The following RCAN3 variants were observed in gnomAD, a reference collection of about 807,000 sequenced individuals.
RCAN3 encodes the protein calcipressin-3.
Under a neutral mutation model 21.9 loss-of-function variants are expected in RCAN3, and 19 were observed. The ratio of observed to expected loss-of-function variants is 0.87; its 90% CI spans 0.61 to 1.27. The LOEUF is 1.27. RCAN3 is among the 50% of genes most tolerant of loss of function. RCAN3 has a pLI of 0.00. For synonymous variants in RCAN3, 114 were observed against 112.3 expected (o/e 1.01, Z -0.09); for missense variants, 240 against 300.1 (o/e 0.80, Z 1.48).
At position 24,514,659 on chromosome 1, in the gene RCAN3, A is replaced by G. The variant is rs982770617; in HGVS notation, c.195+92A>G. 7 of 1,252,828 alleles carry G rather than the reference A, an allele frequency of 5.6e-6. No individual in the cohort carries two copies. In the African/African-American group the frequency reaches 1.1e-4, roughly 19 times the overall value. 77.6% of individuals were successfully genotyped at this position (1,252,828 alleles called of 1,614,324 possible). A position where few individuals can be genotyped will look rare whatever the true frequency, so the allele number is the denominator to read the frequency against. The stretch of plus-strand genomic sequence containing the variant: ...GAGCTTGACTGGTCCCTGACAAATT[A>G]AGTATAGAAAGTGTATGTCCACTTT... On this transcript the variant is annotated intron_variant, in intron 2 of 4. Coordinates refer to ENST00000374395, the MANE Select transcript of RCAN3 (RefSeq NM_013441.4).
At position 24,539,351 on chromosome 1, in the gene RCAN3, G is replaced by GAATTA. The variant is rs1650391126; in HGVS notation, c.*4075_*4076insATTAA. ...ACTTAATAATTTTATTAATGAATTTGATGTCCCATGTTTTGTAGTTTTGTT... is the reference window on the plus strand; with the variant it reads ...ACTTAATAATTTTATTAATGAATTTGAATTAATGTCCCATGTTTTGTAGTTTTGTT... On this transcript the variant is annotated 3_prime_UTR_variant, in exon 5 of 5. Coordinates refer to ENST00000374395, the MANE Select transcript of RCAN3 (RefSeq NM_013441.4). 6.6e-6 allele frequency: 1 copy of GAATTA among 152,102 alleles called. No homozygotes were observed. Among genetic ancestry groups the GAATTA allele is most frequent in the South Asian group, 2.1e-4 (1 of 4,826 alleles). 9.4% of individuals were successfully genotyped at this position (152,102 alleles called of 1,614,324 possible).
At chr1:24,530,068 T>C (rs868358990) in intron 2 of RCAN3, among the ~76,000 whole-genome samples, 8 of 151,034 alleles carry the variant, frequency 5.3e-5, no homozygotes, top group African/African-American at 1.9e-4. Flanking sequence ...GAAATGGATG[T>C]CTTGCTGGGT....
At chr1:24,534,754 C>T (rs1557581213) in intron 4 of RCAN3, among the ~76,000 whole-genome samples, 2 of 152,210 alleles carry the variant, frequency 1.3e-5, no homozygotes, top group Admixed American at 6.5e-5. Context: ...GAGCCGAGAT[C>T]GTGCCACTGC....
intron 1 of RCAN3, among the ~76,000 whole-genome samples, chr1:24,508,955 G>A (rs1356032072): frequency 6.6e-6 from 1 of 152,174 alleles, no homozygotes. Context: ...GAACCCATGA[G>A]TTTGAGACCA....
rs1359273273 is a variant in RCAN3, at chr1:24,503,612, T to C, written c.-60+462T>C. Among the ~76,000 whole-genome samples the C allele has an allele frequency of 2.0e-5, 3 of 152,234 alleles. No individual in the cohort carries two copies. In the East Asian group the frequency reaches 5.8e-4, roughly 29 times the overall value. Reference sequence around the variant, plus strand: ...ACTCCCTAACTTCTTGAAACTTGTCTGTCTGCTTCTGTCCGCCGCCTGGAC... The same window carrying C: ...ACTCCCTAACTTCTTGAAACTTGTCCGTCTGCTTCTGTCCGCCGCCTGGAC... On this transcript the variant is annotated intron_variant, in intron 1 of 4. Transcript: ENST00000374395.
chr1:24,513,653 T>C (rs1648074540), intron 1 of RCAN3, among the ~76,000 whole-genome samples: 2 of 152,132 alleles, frequency 1.3e-5, no homozygotes, highest in Admixed American at 6.5e-5. Context: ...CACGACTCCA[T>C]CTCAAAAACA....
rs1557565928 is a variant in RCAN3 at position 24,512,796 on chromosome 1, T to G, written c.-59-1518T>G. 3.3e-5 allele frequency among the ~76,000 whole-genome samples: 5 copies of G among 152,324 alleles called. No homozygotes were observed. The South Asian group carries it at 6.2e-4, about 19-fold the overall frequency. ...TCTTGAAATGTGTCATGTCCAAGGC[T>G]CTCTGCTTGGTGCATGTGATGTGCA... On this transcript the variant is annotated intron_variant, in intron 1 of 4. Coordinates refer to ENST00000374395, the MANE Select transcript of RCAN3 (RefSeq NM_013441.4).
At chr1:24,530,391 A>ACAACAG (rs910236063) in intron 2 of RCAN3, among the ~76,000 whole-genome samples, 3 of 150,430 alleles carry the variant, frequency 2.0e-5, no homozygotes, top group African/African-American at 7.4e-5. Flanking sequence ...ACAGTCACAC[A>ACAACAG]CAACAGCAAG....
intron 2 of RCAN3, among the ~76,000 whole-genome samples, chr1:24,524,267 A>G (rs751576399): frequency 1.3e-5 from 2 of 152,188 alleles, no homozygotes; most frequent in Non-Finnish European, 2.9e-5. Flanking sequence ...TGTGTTTATA[A>G]ATACAGTAGC....
intron 1 of RCAN3, among the ~76,000 whole-genome samples, chr1:24,504,728 A>G (rs1186807414): frequency 6.6e-6 from 1 of 152,248 alleles, no homozygotes; most frequent in Non-Finnish European, 1.5e-5. Flanking sequence ...TTACTTAGAA[A>G]AAAAACACAG....
chr1:24,531,245 T>C lies in RCAN3; in HGVS notation c.223T>C (p.Tyr75His). ...AAGATTTGAAGCACTCTTCACCATC[T>C]ATGATGACCAGGTTACTTTTCAGCT... ...KERFEALFTIYDDQVTFQLFK... is the reference protein window; with the variant it reads ...KERFEALFTIHDDQVTFQLFK... The change falls in exon 3 of 5, where the codon TAT (tyrosine) becomes CAT (histidine). Residue 75 changes from tyrosine (Y) to histidine (H), a missense_variant. Coordinates refer to ENST00000374395, the MANE Select transcript of RCAN3 (RefSeq NM_013441.4). 2 of 1,604,316 alleles carry C rather than the reference T, an allele frequency of 1.2e-6. No individual in the cohort carries two copies. The highest frequency in any genetic ancestry group is 1.1e-5 in the South Asian group (1 of 89,554).
chr1:24,528,251 A>G (rs1649431867), intron 2 of RCAN3, among the ~76,000 whole-genome samples: 1 of 117,084 alleles, frequency 8.5e-6, no homozygotes, highest in Non-Finnish European at 1.8e-5. Context: ...AGTTGGAAAA[A>G]AAGAAAAAAA....
chr1:24,529,926 C>T (rs1649609663), intron 2 of RCAN3, among the ~76,000 whole-genome samples: 4 of 151,502 alleles, frequency 2.6e-5, no homozygotes, highest in Admixed American at 2.6e-4. Context: ...TGCCTCTACT[C>T]CCAGCTATTT....
At chr1:24,510,689 G>C (rs1195828637) in intron 1 of RCAN3, among the ~76,000 whole-genome samples, 1 of 152,172 alleles carries the variant, frequency 6.6e-6, no homozygotes, top group Non-Finnish European at 1.5e-5. Flanking sequence ...TGCCTTTTTA[G>C]CATTTGTGTG....
At chr1:24,507,978 T>A (rs1235051512) in intron 1 of RCAN3, among the ~76,000 whole-genome samples, 1 of 152,192 alleles carries the variant, frequency 6.6e-6, no homozygotes, top group Non-Finnish European at 1.5e-5. Flanking sequence ...CTCGGGAGGC[T>A]GAGGCAGGAG....
chr1:24,538,786 A>G lies in RCAN3; in HGVS notation c.*3509A>G, dbSNP rs1650367610. ...ATACCAGGAGATAGAGGTGAAGTGC[A>G]GTACTTTTATTCTTTAAGAATATAG... On this transcript the variant is annotated 3_prime_UTR_variant, in exon 5 of 5. Coordinates refer to ENST00000374395, the MANE Select transcript of RCAN3 (RefSeq NM_013441.4). 1 of 152,154 alleles carries G rather than the reference A, an allele frequency of 6.6e-6. No individual in the cohort carries two copies. The highest frequency in any genetic ancestry group is 2.1e-4 in the South Asian group (1 of 4,828). The allele number at this position is 152,154 out of a possible 1,614,324, so 9.4% of individuals were successfully genotyped here.
intron 1 of RCAN3, among the ~76,000 whole-genome samples, chr1:24,503,611 C>T (rs936851417): frequency 2.0e-5 from 3 of 152,230 alleles, no homozygotes; most frequent in Non-Finnish European, 4.4e-5. Context: ...TGAAACTTGT[C>T]TGTCTGCTTC....
At chr1:24,515,426 A>T (rs1328663927) in intron 2 of RCAN3, among the ~76,000 whole-genome samples, 2 of 101,228 alleles carry the variant, frequency 2.0e-5, no homozygotes, top group African/African-American at 1.3e-4. Flanking sequence ...CTAGAAAGAG[A>T]GGTGTGTGTG....
chr1:24,514,744 A>G (rs1648157489), intron 2 of RCAN3, among the ~76,000 whole-genome samples, 177 bp downstream of exon 2: 1 of 151,980 alleles, frequency 6.6e-6, no homozygotes. Context: ...TGAGGTGGGC[A>G]GATCACCTGA....
Sources: allele counts gnomAD v4.1 joint callset (sites outside exome capture counted in the v4.1 genomes callset), GRCh38; gene constraint gnomAD v4.1.1; transcripts MANE v1.5; gene names NCBI Gene and HGNC (gene_info 2026-07-23, HGNC 2026-07-21).